Variants in FILIP1L observed in about 807,000 individuals in gnomAD.
FILIP1L encodes the protein filamin A interacting protein 1 like.
Under a neutral mutation model 96.6 loss-of-function variants are expected in FILIP1L, and 55 were observed. The ratio of observed to expected loss-of-function variants is 0.57; its 90% CI spans 0.46 to 0.71. The LOEUF (loss-of-function observed/expected upper bound fraction) is 0.71. Ranked by LOEUF, FILIP1L falls within the 30% of genes least tolerant of loss-of-function variation. FILIP1L has a pLI of 0.00. For missense variants in FILIP1L, 1,304 were observed against 1,321.2 expected, an observed-to-expected ratio of 0.99 and a Z score of 0.20; for synonymous variants, 467 against 473.9, an observed-to-expected ratio of 0.99 and a Z score of 0.19.
At chr3:99,934,109 T>TC (rs1576583706) in intron 1 of FILIP1L, among the ~76,000 whole-genome samples, 1 of 152,194 alleles carries the variant, frequency 6.6e-6, no homozygotes, top group Non-Finnish European at 1.5e-5. Flanking sequence ...AGACCAGGCT[T>TC]CCCCACATGG....
chr3:99,837,122 C>T (rs1030330678), intron 5 of FILIP1L, among the ~76,000 whole-genome samples: 2 of 152,186 alleles, frequency 1.3e-5, no homozygotes, highest in Non-Finnish European at 2.9e-5. Flanking sequence ...GTAATTAATA[C>T]ATACTCTTAT....
At chr3:99,991,055 G>A (rs1178060816) in intron 1 of FILIP1L, among the ~76,000 whole-genome samples, 7 of 152,106 alleles carry the variant, frequency 4.6e-5, no homozygotes, top group East Asian at 1.9e-4. Context: ...ATGAGTTCCC[G>A]TAAGGACAAA....
intron 4 of FILIP1L, among the ~76,000 whole-genome samples, chr3:99,852,484 T>C (rs1406526047): frequency 6.6e-6 from 1 of 152,180 alleles, no homozygotes; most frequent in Non-Finnish European, 1.5e-5. Context: ...TCTCACTCTG[T>C]CGCCAGGCTG....
intron 1 of FILIP1L, among the ~76,000 whole-genome samples, chr3:99,968,820 A>C (rs1157327507): frequency 6.6e-6 from 1 of 152,244 alleles, no homozygotes; most frequent in East Asian, 1.9e-4. Flanking sequence ...TGGCCAGGGC[A>C]GAATGACATT....
chr3:99,850,057 A>AT lies in FILIP1L; in HGVS notation c.1618dup (p.Ile540AsnfsTer2), dbSNP rs751515338. On this transcript the variant is annotated frameshift_variant, in exon 5 of 6. Coordinates refer to ENST00000477258, the MANE Select transcript of FILIP1L (RefSeq NM_001387850.1). LOFTEE classifies it high-confidence loss of function. ...CTTGAGCGCCCTTTTAGTTTCCTCA[A>AT]TTAACTTCTCAGTAACTGTTGTTAC... is the stretch of plus-strand genomic sequence containing the variant. 1 of 1,612,040 alleles carries AT rather than the reference A, an allele frequency of 6.2e-7. No homozygotes were observed. Among genetic ancestry groups the AT allele is most frequent in the Admixed American group, 1.7e-5 (1 of 59,650 alleles).
intron 3 of FILIP1L, among the ~76,000 whole-genome samples, chr3:99,928,219 C>T (rs899856153): frequency 2.0e-5 from 3 of 152,208 alleles, no homozygotes; most frequent in Non-Finnish European, 4.4e-5. Flanking sequence ...AGGCAGAATT[C>T]CCCTTCACTG....
At position 99,835,931 on chromosome 3, in the gene FILIP1L, A is replaced by G. The variant is rs535951781; in HGVS notation, c.3382-5326T>C. Among the ~76,000 whole-genome samples, 4 of 152,300 alleles carry G rather than the reference A, an allele frequency of 2.6e-5. No individual in the cohort carries two copies. The South Asian group carries it at 6.2e-4, about 24-fold the overall frequency. The stretch of plus-strand genomic sequence containing the variant: ...TTTCAGCCCTACAAACAGCATGATC[A>G]AAGGTAAGAAGGCCCAGTAGTATGT... On this transcript the variant is annotated intron_variant, in intron 5 of 5. Transcript: ENST00000477258.
intron 1 of FILIP1L, among the ~76,000 whole-genome samples, chr3:100,029,458 C>T (rs954275388): frequency 6.6e-6 from 1 of 152,038 alleles, no homozygotes; most frequent in East Asian, 1.9e-4. Flanking sequence ...GCATTTGCAA[C>T]CTTTGCCAAG....
At chr3:100,051,291 G>A (rs1344343212) in intron 1 of FILIP1L, 1 of 151,844 alleles carries the variant, frequency 6.6e-6, no homozygotes, top group Non-Finnish European at 1.5e-5. Context: ...GAATAATCCA[G>A]AAGACTGAAA....
chr3:99,930,025 C>T lies in FILIP1L; in HGVS notation c.257G>A (p.Arg86Gln), dbSNP rs755586670. Residue 86 changes from arginine (R) to glutamine (Q), a missense_variant, in exon 3 of 6, where the codon CGA (arginine) becomes CAA (glutamine). Transcript: ENST00000477258. ...CTTTAAAATGCCTATGACCTCATCT[C>T]GAGCCTGTAGGAACAAAAAGTATTT... is the stretch of plus-strand genomic sequence containing the variant. Reference protein sequence around the residue: ...LSILEGELQARDEVIGILKAE... With the variant: ...LSILEGELQAQDEVIGILKAE... 1.1e-5 allele frequency: 18 copies of T among 1,604,102 alleles called. No individual in the cohort carries two copies. The Admixed American group carries it at 2.4e-4, about 22-fold the overall frequency.
intron 1 of FILIP1L, among the ~76,000 whole-genome samples, chr3:100,023,967 G>A (rs1203779555): frequency 6.6e-6 from 1 of 152,146 alleles, no homozygotes; most frequent in East Asian, 1.9e-4. Context: ...TGGGAACTTA[G>A]TAAATACCAA....
chr3:100,085,422 G>C (rs2065992312), intron 1 of FILIP1L, among the ~76,000 whole-genome samples: 1 of 152,100 alleles, frequency 6.6e-6, no homozygotes, highest in Admixed American at 6.6e-5. Context: ...TTATACAAAT[G>C]TTGCCCATTT....
At chr3:99,859,072 T>C (rs534756715) in intron 4 of FILIP1L, among the ~76,000 whole-genome samples, 1 of 152,378 alleles carries the variant, frequency 6.6e-6, no homozygotes, top group South Asian at 2.1e-4. Flanking sequence ...ATGACAAAAC[T>C]GTTTTCATAA....
At chr3:99,890,094 A>G (rs1706036629) in intron 4 of FILIP1L, among the ~76,000 whole-genome samples, 1 of 151,968 alleles carries the variant, frequency 6.6e-6, no homozygotes, top group South Asian at 2.1e-4. Flanking sequence ...CACTGTATTT[A>G]TTTGAATCTG....
At chr3:99,966,839 G>A (rs1035433337) in intron 1 of FILIP1L, among the ~76,000 whole-genome samples, 1 of 152,160 alleles carries the variant, frequency 6.6e-6, no homozygotes, top group African/African-American at 2.4e-5. Context: ...GTACTTGAAC[G>A]ACTTAGAGAT....
intron 1 of FILIP1L, among the ~76,000 whole-genome samples, chr3:99,936,444 C>T (rs1478472600): frequency 1.5e-5 from 2 of 135,104 alleles, no homozygotes; most frequent in Non-Finnish European, 3.1e-5. Flanking sequence ...GGCACGATCT[C>T]GGCTCACTGC....
At chr3:100,056,038 TA>T (rs1292944343) in intron 1 of FILIP1L, among the ~76,000 whole-genome samples, 1 of 152,084 alleles carries the variant, frequency 6.6e-6, no homozygotes, top group Non-Finnish European at 1.5e-5. Flanking sequence ...AAGACACAGG[TA>T]AAAGAAGATT....
At chr3:100,032,523 G>A (rs891323747) in intron 1 of FILIP1L, among the ~76,000 whole-genome samples, 13 of 152,126 alleles carry the variant, frequency 8.5e-5, no homozygotes, top group African/African-American at 2.4e-4. Context: ...ACAGCTAGCC[G>A]AATTCCCCTT....
At chr3:100,072,886 G>C (rs1425867981) in intron 1 of FILIP1L, among the ~76,000 whole-genome samples, 6 of 152,110 alleles carry the variant, frequency 3.9e-5, no homozygotes, top group African/African-American at 1.4e-4. Context: ...CCTCTAACTT[G>C]TCACTGAAAA....
Sources: allele counts gnomAD v4.1 joint callset (sites outside exome capture counted in the v4.1 genomes callset), GRCh38; gene constraint gnomAD v4.1.1; transcripts MANE v1.5; gene names NCBI Gene and HGNC (gene_info 2026-07-23, HGNC 2026-07-21).